The following DOP1B variants were observed in gnomAD, a reference collection of about 807,000 sequenced individuals.
DOP1B encodes protein DOP1B.
Under a neutral mutation model 233.5 loss-of-function variants are expected in DOP1B, and 174 were observed. The observed-to-expected ratio is 0.75, with a 90% CI of 0.66 to 0.85. DOP1B has a LOEUF of 0.85. Among genes scored for constraint, DOP1B ranks in the 40% least tolerant of loss-of-function variants. DOP1B has a pLI of 0.00. For missense variants in DOP1B, 2,652 were observed against 2,846.6 expected, an observed-to-expected ratio of 0.93 and a Z score of 1.56; for synonymous variants, 1,190 against 1,185.6, an observed-to-expected ratio of 1.00 and a Z score of -0.08.
At chr21:36,237,226 C>A in intron 15 of DOP1B, 36 bp from the exon 16 acceptor site, 4 of 1,613,712 alleles carry the variant, frequency 2.5e-6, no homozygotes, top group Non-Finnish European at 3.4e-6. Context: ...CCTGTGTTGA[C>A]CTGGTCCCCC....
At chr21:36,161,258 G>C (rs531081100) in intron 1 of DOP1B, among the ~76,000 whole-genome samples, 2 of 151,970 alleles carry the variant, frequency 1.3e-5, no homozygotes, top group African/African-American at 4.8e-5. Context: ...TGATTCTCCC[G>C]CCTCAGCCTC....
At chr21:36,163,786 G>A (rs564937964) in intron 1 of DOP1B, among the ~76,000 whole-genome samples, 1 of 152,332 alleles carries the variant, frequency 6.6e-6, no homozygotes, top group Admixed American at 6.5e-5. Context: ...TACAGCATCC[G>A]GGGTTGGCAT....
intron 1 of DOP1B, among the ~76,000 whole-genome samples, chr21:36,163,327 A>C (rs1188837657): frequency 7.2e-6 from 1 of 138,622 alleles, no homozygotes; most frequent in Admixed American, 8.2e-5. Flanking sequence ...TTGGTCAACA[A>C]GAGTGAGACT....
chr21:36,176,894 C>CT (rs1235070659), intron 2 of DOP1B, among the ~76,000 whole-genome samples: 2 of 152,172 alleles, frequency 1.3e-5, no homozygotes, highest in Non-Finnish European at 2.9e-5. Context: ...TCTTGGCTCA[C>CT]TACAACCTCC....
chr21:36,202,650 G>A (rs534132994), intron 4 of DOP1B, among the ~76,000 whole-genome samples: 23 of 152,302 alleles, frequency 1.5e-4, no homozygotes, highest in African/African-American at 5.1e-4. Context: ...CTAAAACATT[G>A]CACTTTAACC....
rs773197040 is a variant in DOP1B at position 36,233,086 on chromosome 21, C to T, written c.2622+11C>T. The T allele has an allele frequency of 1.9e-6, 3 of 1,612,916 alleles. No individual in the cohort carries two copies. Among genetic ancestry groups the T allele is most frequent in the Admixed American group, 1.7e-5 (1 of 59,832 alleles). ...ACAGATTTCTATCAGGTATTTCCCA[C>T]TGGGAACACTCTTCTTATGGCCTCC... On this transcript the variant is annotated intron_variant, in intron 15 of 36. Coordinates refer to ENST00000691173, the MANE Select transcript of DOP1B (RefSeq NM_001320714.2).
chr21:36,158,498 G>T (rs1317708633), intron 1 of DOP1B, among the ~76,000 whole-genome samples: 1 of 152,126 alleles, frequency 6.6e-6, no homozygotes, highest in African/African-American at 2.4e-5. Context: ...CACAGGACTC[G>T]TGTATTGCAG....
chr21:36,162,782 T>C (rs2065879807), intron 1 of DOP1B, among the ~76,000 whole-genome samples: 2 of 152,028 alleles, frequency 1.3e-5, no homozygotes, highest in South Asian at 4.2e-4. Context: ...TGACCTCAAG[T>C]GATCTGCCCG....
At chr21:36,171,246 T>G (rs1046254866) in intron 2 of DOP1B, among the ~76,000 whole-genome samples, 8 of 152,152 alleles carry the variant, frequency 5.3e-5, no homozygotes, top group African/African-American at 1.9e-4. Context: ...GGGCTGTGCT[T>G]CTTTGCTGCC....
intron 24 of DOP1B, chr21:36,261,403 G>C (rs1407389918): frequency 1.0e-6 from 1 of 992,050 alleles, no homozygotes; most frequent in Admixed American, 6.2e-5. Flanking sequence ...GATTGTTTCT[G>C]GTGGCGTTCT....
chr21:36,264,211 A>T (rs1248159255), intron 26 of DOP1B, among the ~76,000 whole-genome samples: 1 of 152,200 alleles, frequency 6.6e-6, no homozygotes, highest in Non-Finnish European at 1.5e-5. Flanking sequence ...GCTTAAGCTC[A>T]GGAGTTTGAG....
At chr21:36,266,745 A>G (rs80198331) in intron 26 of DOP1B, among the ~76,000 whole-genome samples, 9,041 of 152,256 alleles carry the variant, frequency 0.059, 582 homozygotes, top group East Asian at 0.33. Flanking sequence ...GGGGAGCTGA[A>G]GTTCTCTGGG....
At chr21:36,293,229 T>A in intron 36 of DOP1B, 91 bp from the exon 37 acceptor site, 1 of 1,424,556 alleles carries the variant, frequency 7.0e-7, no homozygotes. Context: ...AAGGACCTTA[T>A]TTCTTAGGTT....
chr21:36,261,470 A>C, intron 24 of DOP1B: 1 of 985,700 alleles, frequency 1.0e-6, no homozygotes. Flanking sequence ...TGCTAAGTTA[A>C]TATATGTATT....
intron 32 of DOP1B, among the ~76,000 whole-genome samples, chr21:36,286,011 CA>C (rs56184279): frequency 0.016 from 2,189 of 136,898 alleles, 36 homozygotes; most frequent in African/African-American, 0.05. Flanking sequence ...GACTCCATCT[CA>C]AAAAAAAAAA....
At chr21:36,158,674 GCGCCTGTAGTCCCAGCTACTCGGGAGTC>G (rs2065842105) in intron 1 of DOP1B, among the ~76,000 whole-genome samples, 1 of 151,910 alleles carries the variant, frequency 6.6e-6, no homozygotes, top group Admixed American at 6.6e-5. Context: ...GTGGTGGCAT[GCGCCTGTAGTCCCAGCTACTCGGGAGTC>G]TGAGGCAGGA....
chr21:36,194,148 G>A (rs980451164), intron 2 of DOP1B, among the ~76,000 whole-genome samples: 1 of 152,140 alleles, frequency 6.6e-6, no homozygotes, highest in African/African-American at 2.4e-5. Flanking sequence ...GCTTTGTTAA[G>A]CCTTAGTTTT....
At chr21:36,183,609 T>C (rs2066127702) in intron 2 of DOP1B, among the ~76,000 whole-genome samples, 1 of 152,242 alleles carries the variant, frequency 6.6e-6, no homozygotes, top group African/African-American at 2.4e-5. Flanking sequence ...TACAGAGCAG[T>C]TGCAGAGGAC....
intron 2 of DOP1B, among the ~76,000 whole-genome samples, chr21:36,189,654 G>A (rs1448940229): frequency 1.3e-5 from 2 of 151,834 alleles, no homozygotes; most frequent in Non-Finnish European, 2.9e-5. Context: ...AGGTTGCAGT[G>A]AGCTGAGATC....
Sources: gnomAD v4.1 joint callset for allele counts (sites outside exome capture counted in the v4.1 genomes callset) on GRCh38, gnomAD v4.1.1 for gene constraint, MANE v1.5 for transcripts, NCBI Gene and HGNC (gene_info 2026-07-23, HGNC 2026-07-21) for gene names.